The following PSMD1 variants were observed in gnomAD, a reference collection of about 807,000 sequenced individuals.
The protein encoded by PSMD1 is proteasome 26S subunit, non-ATPase 1, also known as 26S proteasome non-ATPase regulatory subunit 1.
A neutral mutation model predicts 119.0 loss-of-function variants in PSMD1; 18 were observed. That is an observed-to-expected ratio of 0.15 (90% CI 0.10 to 0.22). PSMD1 has a LOEUF of 0.22. PSMD1 is among the 10% of genes least tolerant of loss of function. The pLI, the probability that PSMD1 is intolerant of heterozygous loss-of-function variation, is 1.00. For synonymous variants in PSMD1, 374 were observed against 396.6 expected (o/e 0.94, Z 0.68); for missense variants, 702 against 1,158.5 (o/e 0.61, Z 5.72).
At chr2:231,071,727 C>G (rs1256413233) in intron 6 of PSMD1, among the ~76,000 whole-genome samples, 1 of 152,108 alleles carries the variant, frequency 6.6e-6, no homozygotes, top group Admixed American at 6.6e-5. Flanking sequence ...AAAACAATGG[C>G]AGATCATAAG....
chr2:231,112,902 C>T (rs547360297), intron 16 of PSMD1, among the ~76,000 whole-genome samples: 7 of 152,264 alleles, frequency 4.6e-5, no homozygotes, highest in East Asian at 3.9e-4. Flanking sequence ...CAGTGACTCA[C>T]GCCTGTAATC....
chr2:231,145,378 A>T (rs978743892), intron 17 of PSMD1, among the ~76,000 whole-genome samples: 1 of 152,176 alleles, frequency 6.6e-6, no homozygotes, highest in Non-Finnish European at 1.5e-5. Flanking sequence ...CCTGAATGGA[A>T]CTTGTAGGAC....
chr2:231,092,397 G>A (rs547784250), intron 16 of PSMD1, among the ~76,000 whole-genome samples: 1 of 152,300 alleles, frequency 6.6e-6, no homozygotes, highest in South Asian at 2.1e-4. Context: ...ATATGGATGG[G>A]TAGTGCAAAT....
chr2:231,103,517 T>C (rs1313760654), intron 16 of PSMD1, among the ~76,000 whole-genome samples: 1 of 152,234 alleles, frequency 6.6e-6, no homozygotes, highest in Non-Finnish European at 1.5e-5. Flanking sequence ...TTCTGCATTT[T>C]GTCAAAAGAT....
intron 7 of PSMD1, among the ~76,000 whole-genome samples, chr2:231,073,051 G>A (rs914328235): frequency 2.0e-5 from 3 of 151,952 alleles, no homozygotes; most frequent in African/African-American, 7.3e-5. Flanking sequence ...TTATTAATTG[G>A]CCTAATTTCA....
At position 231,131,761 on chromosome 2, in the gene PSMD1, CAAAAAAAAA is replaced by C. The variant is rs540366686; in HGVS notation, c.1884-6957_1884-6949del. Among the ~76,000 whole-genome samples the C allele has an allele frequency of 1.7e-4, 2 of 11,832 alleles. 1 individual carries two copies. The highest frequency in any genetic ancestry group is 2.3e-4 in the Non-Finnish European group (2 of 8,726). The allele number at this position is 11,832 out of a possible 152,430, so 7.8% of individuals were successfully genotyped here. A position where few individuals can be genotyped will look rare whatever the true frequency, so the allele number is the denominator to read the frequency against. ...TGGGCGACAGAGCGAGACTCCGTCT[CAAAAAAAAA>C]AAAAAAAAAAAAAAAAAGAAAGTTT... On this transcript the variant is annotated intron_variant, in intron 16 of 24. Coordinates refer to ENST00000308696, the MANE Select transcript of PSMD1 (RefSeq NM_002807.4).
intron 16 of PSMD1, among the ~76,000 whole-genome samples, chr2:231,113,569 G>A (rs994046407): frequency 7.9e-5 from 12 of 152,194 alleles, no homozygotes; most frequent in Admixed American, 6.5e-5. Flanking sequence ...TTTAGAAGGC[G>A]TATGATAAAT....
chr2:231,058,862 T>C (rs1693683017), intron 1 of PSMD1, among the ~76,000 whole-genome samples: 1 of 152,172 alleles, frequency 6.6e-6, no homozygotes, highest in Non-Finnish European at 1.5e-5. Context: ...ACTCAAATGT[T>C]ATCCTTCCCT....
intron 22 of PSMD1, 93 bp from the exon 23 acceptor site, chr2:231,165,778 A>T: frequency 8.8e-7 from 1 of 1,136,230 alleles, no homozygotes; most frequent in Non-Finnish European, 1.2e-6. Context: ...TACCTCTTGT[A>T]CCTTATAGCT....
At chr2:231,167,703 C>G (rs1157063235) in intron 23 of PSMD1, among the ~76,000 whole-genome samples, 1 of 152,162 alleles carries the variant, frequency 6.6e-6, no homozygotes, top group Non-Finnish European at 1.5e-5. Context: ...TCAGGGAATA[C>G]AAACTTTATA....
At position 231,080,274 on chromosome 2, in the gene PSMD1, T is replaced by C. The variant is rs1394981029; in HGVS notation, c.1373T>C (p.Ile458Thr). ...CATGCCAATCATGGTGGTGATATAA[T>C]TGACTATCTGCTTAATCAGCTTAAG... Reference protein sequence around the residue: ...LIHANHGGDIIDYLLNQLKNA... With the variant: ...LIHANHGGDITDYLLNQLKNA... Residue 458 changes from isoleucine (I) to threonine (T), a missense_variant, in exon 12 of 25, where the codon ATT becomes ACT. This residue lies in a region of PSMD1 where 272 missense variants were observed against 511.6 expected (regional missense o/e 0.53). Transcript: ENST00000308696. 1 of 1,612,832 alleles carries C rather than the reference T, an allele frequency of 6.2e-7. No individual in the cohort carries two copies. The highest frequency in any genetic ancestry group is 8.5e-7 in the Non-Finnish European group (1 of 1,179,174).
chr2:231,150,080 T>C (rs1034996356), intron 18 of PSMD1, among the ~76,000 whole-genome samples: 9 of 152,210 alleles, frequency 5.9e-5, no homozygotes, highest in African/African-American at 1.7e-4. Flanking sequence ...GCGCAGTGGC[T>C]CACGCCTATA....
At chr2:231,087,476 A>C (rs957517367) in intron 16 of PSMD1, among the ~76,000 whole-genome samples, 3 of 152,046 alleles carry the variant, frequency 2.0e-5, no homozygotes, top group African/African-American at 7.3e-5. Context: ...CACATCCAGT[A>C]CTCCTCTTCT....
chr2:231,089,919 C>T (rs918086807), intron 16 of PSMD1, among the ~76,000 whole-genome samples: 3 of 152,180 alleles, frequency 2.0e-5, no homozygotes, highest in African/African-American at 7.2e-5. Flanking sequence ...TTTGGCAGCG[C>T]CCTCACAGAC....
chr2:231,082,844 C>A, intron 12 of PSMD1, 39 bp from the exon 13 acceptor site: 1 of 1,431,252 alleles, frequency 7.0e-7, no homozygotes, highest in Non-Finnish European at 9.8e-7. Context: ...ATGTTAAGTA[C>A]AGTGTACCAA....
At chr2:231,058,830 A>C (rs764001335) in intron 1 of PSMD1, among the ~76,000 whole-genome samples, 2 of 151,764 alleles carry the variant, frequency 1.3e-5, no homozygotes, top group Non-Finnish European at 2.9e-5. Context: ...ATTTTCCCTT[A>C]GCTTCTCAAT....
In PSMD1 at chr2:231,170,748, G is replaced by A. The variant is rs775648021; in HGVS notation, c.*9+27G>A. The A allele has an allele frequency of 9.1e-6, 14 of 1,540,570 alleles. No individual in the cohort carries two copies. The highest frequency in any genetic ancestry group is 2.0e-5 in the Admixed American group (1 of 49,166). ...TGCGTGTGCAACAAAATTATGAAGGGAAACTTCTTTGTCAATACTTCACAA... is the reference window on the plus strand; with the variant it reads ...TGCGTGTGCAACAAAATTATGAAGGAAAACTTCTTTGTCAATACTTCACAA... On this transcript the variant is annotated intron_variant, in intron 24 of 24. Transcript: ENST00000308696. The surrounding 1 kb of genome is among the most constrained non-coding windows in gnomAD (Gnocchi z 4.1).
chr2:231,143,685 A>G (rs538521002), intron 17 of PSMD1, among the ~76,000 whole-genome samples: 4 of 152,328 alleles, frequency 2.6e-5, no homozygotes, highest in Non-Finnish European at 4.4e-5. Context: ...AACTTTTGTT[A>G]TGATATGTAT....
At chr2:231,075,914 G>A (rs1694151660) in intron 8 of PSMD1, among the ~76,000 whole-genome samples, 1 of 152,036 alleles carries the variant, frequency 6.6e-6, no homozygotes, top group African/African-American at 2.4e-5. Context: ...TTTTGAAGTT[G>A]AGATTGTTAC....
Sources: allele counts gnomAD v4.1 joint callset (sites outside exome capture counted in the v4.1 genomes callset), GRCh38; gene constraint gnomAD v4.1.1; regional missense constraint gnomAD v4.1.1; non-coding constraint Gnocchi (gnomAD v3.1); transcripts MANE v1.5; gene names NCBI Gene and HGNC (gene_info 2026-07-23, HGNC 2026-07-21).